Variants in SP100 observed in about 807,000 individuals in gnomAD.
SP100 encodes SP100 nuclear body protein.
Under a neutral mutation model 130.0 loss-of-function variants are expected in SP100, and 84 were observed. The ratio of observed to expected loss-of-function variants is 0.65; its 90% CI spans 0.54 to 0.77. SP100 has a LOEUF of 0.77. Among genes scored for constraint, SP100 ranks in the 30% least tolerant of loss-of-function variants. SP100 has a pLI of 0.00. For missense variants in SP100, 978 were observed against 1,052.2 expected (o/e 0.93, Z 0.97); for synonymous variants, 331 against 351.7 (o/e 0.94, Z 0.66).
At chr2:230,515,280 AAAG>A (rs1277848724) in intron 24 of SP100, 1 of 1,611,198 alleles carries the variant, frequency 6.2e-7, no homozygotes, top group Admixed American at 1.7e-5. Flanking sequence ...GGGAGAAAAA[AAAG>A]AAGTTCAAGG....
chr2:230,540,829 C>A, intron 25 of SP100, 47 bp from the exon 26 acceptor site: 1 of 1,575,986 alleles, frequency 6.3e-7, no homozygotes, highest in Non-Finnish European at 8.7e-7. Context: ...GGAATGGCGG[C>A]TGATTCACAG....
intron 8 of SP100, among the ~76,000 whole-genome samples, chr2:230,459,243 G>C (rs997455139): frequency 6.6e-6 from 1 of 152,106 alleles, no homozygotes; most frequent in Non-Finnish European, 1.5e-5. Context: ...AAAATTGGTA[G>C]AGAGTGGATC....
intron 8 of SP100, among the ~76,000 whole-genome samples, chr2:230,460,090 G>A (rs2064507444): frequency 6.6e-6 from 1 of 152,098 alleles, no homozygotes; most frequent in African/African-American, 2.4e-5. Flanking sequence ...ACAGTTTGGG[G>A]TAATCTTCCA....
intron 8 of SP100, among the ~76,000 whole-genome samples, chr2:230,459,493 C>T (rs1425966882): frequency 6.6e-6 from 1 of 152,154 alleles, no homozygotes; most frequent in Admixed American, 6.5e-5. Flanking sequence ...CATACATCTC[C>T]AGCTCAGACC....
At chr2:230,534,617 CTTAT>C (rs1048504061) in intron 24 of SP100, among the ~76,000 whole-genome samples, 51 of 152,262 alleles carry the variant, frequency 3.3e-4, no homozygotes, top group African/African-American at 1.2e-3. Flanking sequence ...GACTTATTGA[CTTAT>C]TTGTTACATT....
intron 24 of SP100, among the ~76,000 whole-genome samples, chr2:230,529,376 G>A (rs1691590218): frequency 6.6e-6 from 1 of 152,048 alleles, no homozygotes; most frequent in Non-Finnish European, 1.5e-5. Context: ...AAAATTCAAC[G>A]CCTTTCATGC....
At position 230,515,676 on chromosome 2, in the gene SP100, G is replaced by T. The variant is rs766032951; in HGVS notation, c.2094+4510G>T. 3.2e-6 allele frequency: 5 copies of T among 1,571,408 alleles called. No homozygotes were observed. The African/African-American group carries it at 6.9e-5, about 22-fold the overall frequency. ...GTGCAGTTTTTTTCTTGTCTATAAA[G>T]CATTTAAGCTGCCTGTACACAACTC... On this transcript the variant is annotated intron_variant, in intron 24 of 28. Transcript: ENST00000340126.
intron 8 of SP100, among the ~76,000 whole-genome samples, chr2:230,456,918 T>C (rs2064300524): frequency 6.6e-6 from 1 of 152,234 alleles, no homozygotes; most frequent in Non-Finnish European, 1.5e-5. Flanking sequence ...CTCCATTACT[T>C]TGGGGTCTGC....
At chr2:230,461,879 G>A (rs998811266) in intron 9 of SP100, among the ~76,000 whole-genome samples, 1 of 151,948 alleles carries the variant, frequency 6.6e-6, no homozygotes, top group Non-Finnish European at 1.5e-5. Flanking sequence ...AGCCTGGGAT[G>A]CGGAAGTTGC....
intron 24 of SP100, among the ~76,000 whole-genome samples, chr2:230,532,841 C>T (rs573214856): frequency 6.6e-6 from 1 of 152,112 alleles, no homozygotes; most frequent in Non-Finnish European, 1.5e-5. Flanking sequence ...AGTGCAGTGT[C>T]GCGATCTTGG....
intron 17 of SP100, among the ~76,000 whole-genome samples, chr2:230,483,726 G>T (rs535332253): frequency 6.6e-6 from 1 of 152,128 alleles, no homozygotes; most frequent in Non-Finnish European, 1.5e-5. Flanking sequence ...ATGCAGATAC[G>T]TGTGGGTATG....
intron 3 of SP100, 42 bp downstream of exon 3, chr2:230,443,141 C>A (rs1442533859): frequency 1.9e-6 from 3 of 1,594,806 alleles, no homozygotes; most frequent in Admixed American, 1.7e-5. Flanking sequence ...AAAGCAGCCC[C>A]AAAATAAGTT....
intron 2 of SP100, among the ~76,000 whole-genome samples, chr2:230,442,057 T>C (rs2063492762): frequency 1.3e-5 from 2 of 152,162 alleles, no homozygotes; most frequent in Admixed American, 1.3e-4. Flanking sequence ...TTACAGAAAT[T>C]CAAAACAATA....
chr2:230,495,067 T>C (rs2150046973), intron 18 of SP100, among the ~76,000 whole-genome samples: 1 of 152,210 alleles, frequency 6.6e-6, no homozygotes, highest in East Asian at 1.9e-4. Flanking sequence ...AGATCCAGCC[T>C]TTTTGTCACC....
At chr2:230,444,387 A>C in intron 4 of SP100, 41 bp downstream of exon 4, 1 of 1,525,170 alleles carries the variant, frequency 6.6e-7, no homozygotes, top group Non-Finnish European at 9.1e-7. Context: ...TCCAGGGCCA[A>C]GTTTTTTCAA....
intron 18 of SP100, among the ~76,000 whole-genome samples, chr2:230,497,961 T>C (rs553880474): frequency 1.3e-5 from 2 of 152,312 alleles, no homozygotes; most frequent in South Asian, 2.1e-4. Flanking sequence ...ACAATCCAAA[T>C]TCTTGCATTG....
chr2:230,526,680 GA>G (rs1266099503), intron 24 of SP100, among the ~76,000 whole-genome samples: 1 of 152,124 alleles, frequency 6.6e-6, no homozygotes, highest in East Asian at 1.9e-4. Context: ...AAGGTTAGAC[GA>G]ATAGCTAATT....
intron 2 of SP100, among the ~76,000 whole-genome samples, chr2:230,421,332 C>A (rs945350322): frequency 6.6e-6 from 1 of 152,090 alleles, no homozygotes; most frequent in Non-Finnish European, 1.5e-5. Flanking sequence ...TCCCCTGATT[C>A]CATCAGTTCT....
intron 14 of SP100, chr2:230,469,773 C>T: frequency 7.4e-7 from 1 of 1,356,784 alleles, no homozygotes; most frequent in Non-Finnish European, 9.7e-7. Context: ...CATATTTTTC[C>T]CAAAGTTAAA....
Sources: allele counts gnomAD v4.1 joint callset (sites outside exome capture counted in the v4.1 genomes callset), GRCh38; gene constraint gnomAD v4.1.1; transcripts MANE v1.5; gene names NCBI Gene and HGNC (gene_info 2026-07-23, HGNC 2026-07-21).